ZNF679: variants seen among roughly 807,000 people sequenced by gnomAD.
ZNF679 encodes the protein zinc finger protein 679.
Under a neutral mutation model 13.4 loss-of-function variants are expected in ZNF679, and 10 were observed. The ratio of observed to expected loss-of-function variants is 0.75; its 90% CI spans 0.46 to 1.27. ZNF679 has a LOEUF of 1.27. Ranked by LOEUF, ZNF679 falls within the 50% of genes most tolerant of loss-of-function variation. The pLI, the probability that ZNF679 is intolerant of heterozygous loss-of-function variation, is 0.00. For synonymous variants in ZNF679, 179 were observed against 162.5 expected, an observed-to-expected ratio of 1.10 and a Z score of -0.77; for missense variants, 525 against 477.8, an observed-to-expected ratio of 1.10 and a Z score of -0.92.
chr7:64,236,098 C>G (rs980784284), intron 1 of ZNF679, among the ~76,000 whole-genome samples: 1 of 151,904 alleles, frequency 6.6e-6, no homozygotes, highest in African/African-American at 2.4e-5. Context: ...AACCCTGTCT[C>G]TACTAAAAAT....
chr7:64,249,071 G>C lies in ZNF679; in HGVS notation c.-47G>C, dbSNP rs186800690. ...CACTGCTCTGCGTCCTCTGTTCCTA[G>C]AGGCCAAGCCACTGTGGCCTTGTGT... On this transcript the variant is annotated 5_prime_UTR_variant, in exon 2 of 5. Coordinates refer to ENST00000421025, the MANE Select transcript of ZNF679 (RefSeq NM_153363.3). The C allele has an allele frequency of 1.2e-6, 2 of 1,613,312 alleles. No homozygotes were observed. Among genetic ancestry groups the C allele is most frequent in the African/African-American group, 2.7e-5 (2 of 74,908 alleles).
intron 2 of ZNF679, among the ~76,000 whole-genome samples, chr7:64,250,034 G>A (rs1448083964): frequency 6.6e-6 from 1 of 152,006 alleles, no homozygotes; most frequent in Admixed American, 6.6e-5. Flanking sequence ...TAGAGATGGG[G>A]TTTCACCATG....
At chr7:64,230,456 C>T (rs1386536457) in intron 1 of ZNF679, among the ~76,000 whole-genome samples, 1 of 151,564 alleles carries the variant, frequency 6.6e-6, no homozygotes, top group Non-Finnish European at 1.5e-5. Context: ...TGGCGTGAAC[C>T]CGGGAAGCGG....
chr7:64,231,091 C>T (rs746443014), intron 1 of ZNF679, among the ~76,000 whole-genome samples: 14 of 152,206 alleles, frequency 9.2e-5, no homozygotes, highest in African/African-American at 2.4e-4. Context: ...TTATGACACT[C>T]TCTGTGCCAC....
intron 2 of ZNF679, among the ~76,000 whole-genome samples, chr7:64,250,239 C>A (rs1460724357): frequency 6.8e-6 from 1 of 147,916 alleles, no homozygotes; most frequent in East Asian, 2.0e-4. Flanking sequence ...TATTTTTATA[C>A]TCTACAGGAA....
Position 64,266,198 on chromosome 7 carries a change from T to C in ZNF679, c.565T>C (p.Tyr189His), listed in dbSNP as rs1284281664. The stretch of plus-strand genomic sequence containing the variant: ...AAAGAAACATTTCAAATGTAAAAAA[T>C]ATGGCAAATCATTTTGCATGGTTTC... ...TGKKHFKCKK[Y>H]GKSFCMVSQL... Residue 189 changes from tyrosine to histidine, a missense_variant, in exon 5 of 5, where the codon TAT (tyrosine) becomes CAT (histidine). Tyr to His is a moderately conservative substitution (Grantham distance 83). Coordinates refer to ENST00000421025, the MANE Select transcript of ZNF679 (RefSeq NM_153363.3). 2.5e-6 allele frequency: 4 copies of C among 1,586,266 alleles called. No individual in the cohort carries two copies. In the East Asian group the frequency reaches 6.9e-5, roughly 27 times the overall value.
chr7:64,264,626 T>C (rs1476276728), intron 4 of ZNF679, among the ~76,000 whole-genome samples: 2 of 152,112 alleles, frequency 1.3e-5, no homozygotes, highest in African/African-American at 4.8e-5. Context: ...TTTTGTAGTA[T>C]ATTTTTGCTG....
intron 1 of ZNF679, among the ~76,000 whole-genome samples, chr7:64,237,039 A>C (rs1584225753): frequency 6.6e-6 from 1 of 151,930 alleles, no homozygotes; most frequent in South Asian, 2.1e-4. Flanking sequence ...TGGGTAGGGA[A>C]CAGTACACAG....
chr7:64,237,912 TG>T (rs2116513973), intron 1 of ZNF679, among the ~76,000 whole-genome samples: 1 of 152,086 alleles, frequency 6.6e-6, no homozygotes, highest in African/African-American at 2.4e-5. Flanking sequence ...CACAGAAAAG[TG>T]GGAGAGAAAG....
At position 64,228,601 on chromosome 7, in the gene ZNF679, T is replaced by C. The variant is rs1466684677; in HGVS notation, c.-142T>C. On this transcript the variant is annotated 5_prime_UTR_variant, in exon 1 of 5. Coordinates refer to ENST00000421025, the MANE Select transcript of ZNF679 (RefSeq NM_153363.3). Reference sequence around the variant, plus strand: ...ACCTGCGGGAAGGACCAGGAATAAATTTCACAATTCTACGTATTTCCCAGC... The same window carrying C: ...ACCTGCGGGAAGGACCAGGAATAAACTTCACAATTCTACGTATTTCCCAGC... 2.0e-5 allele frequency: 3 copies of C among 152,202 alleles called. No individual in the cohort carries two copies. Among genetic ancestry groups the C allele is most frequent in the East Asian group, 1.9e-4 (1 of 5,178 alleles). 9.4% of individuals were successfully genotyped at this position (152,202 alleles called of 1,614,324 possible).
chr7:64,261,207 C>T (rs533338873), intron 4 of ZNF679, among the ~76,000 whole-genome samples: 13 of 152,194 alleles, frequency 8.5e-5, no homozygotes, highest in African/African-American at 2.2e-4. Context: ...GACTGCTTTA[C>T]CATTGTTTTG....
intron 2 of ZNF679, 66 bp downstream of exon 2, chr7:64,249,222 G>A (rs1787910456): frequency 6.2e-7 from 1 of 1,613,538 alleles, no homozygotes; most frequent in Admixed American, 1.7e-5. Context: ...GAAAGTGGCT[G>A]TAGCAGGACC....
chr7:64,249,335 G>A (rs1251749140), intron 2 of ZNF679, among the ~76,000 whole-genome samples, 179 bp downstream of exon 2: 1 of 152,148 alleles, frequency 6.6e-6, no homozygotes, highest in Non-Finnish European at 1.5e-5. Flanking sequence ...CTGGGCCAGC[G>A]GCTAGGACCC....
chr7:64,245,447 G>A (rs954126363), intron 1 of ZNF679, among the ~76,000 whole-genome samples: 6 of 151,222 alleles, frequency 4.0e-5, no homozygotes, highest in African/African-American at 1.5e-4. Flanking sequence ...GAGAGAGGGA[G>A]AGAGAGAGAG....
intron 2 of ZNF679, among the ~76,000 whole-genome samples, chr7:64,257,573 G>T (rs77968317): frequency 0.032 from 4,947 of 152,250 alleles, 174 homozygotes; most frequent in East Asian, 0.17. Context: ...TCCCAGCACG[G>T]TATTCTGTGA....
At chr7:64,257,520 A>G (rs754878321) in intron 2 of ZNF679, among the ~76,000 whole-genome samples, 9 of 152,212 alleles carry the variant, frequency 5.9e-5, no homozygotes, top group Non-Finnish European at 1.0e-4. Flanking sequence ...AACACTTAGT[A>G]GCAACTCCCA....
chr7:64,255,265 T>A (rs1045807059), intron 2 of ZNF679, among the ~76,000 whole-genome samples: 2 of 152,162 alleles, frequency 1.3e-5, no homozygotes, highest in South Asian at 2.1e-4. Flanking sequence ...TACCACCACA[T>A]GATTCTCACA....
chr7:64,233,336 T>A (rs1181606984), intron 1 of ZNF679, among the ~76,000 whole-genome samples: 1 of 151,300 alleles, frequency 6.6e-6, no homozygotes. Flanking sequence ...AAGAAAAATT[T>A]AAAAATTAAG....
At chr7:64,232,700 T>C (rs1787656071) in intron 1 of ZNF679, among the ~76,000 whole-genome samples, 1 of 152,126 alleles carries the variant, frequency 6.6e-6, no homozygotes, top group African/African-American at 2.4e-5. Context: ...ATTTTCACAA[T>C]CCCCTTTGTA....
Sources: allele counts gnomAD v4.1 joint callset (sites outside exome capture counted in the v4.1 genomes callset), GRCh38; gene constraint gnomAD v4.1.1; transcripts MANE v1.5; gene names NCBI Gene and HGNC (gene_info 2026-07-23, HGNC 2026-07-21).